The following MRPS6 variants were observed in gnomAD, a reference collection of about 807,000 sequenced individuals.
MRPS6 encodes the protein mitochondrial ribosomal protein S6.
MRPS6 carries 6 observed loss-of-function variants against 13.1 expected under a neutral mutation model. The observed-to-expected ratio is 0.46, with a 90% CI of 0.25 to 0.91. The LOEUF (loss-of-function observed/expected upper bound fraction) is 0.91, where lower values mean the gene tolerates loss of function less well. Ranked by LOEUF, MRPS6 falls within the 40% of genes least tolerant of loss-of-function variation. The pLI is 0.18. For synonymous variants in MRPS6, 61 were observed against 56.5 expected (o/e 1.08, Z -0.36); for missense variants, 164 against 155.6 (o/e 1.05, Z -0.29).
intron 1 of MRPS6, chr21:34,124,279 C>G (rs1764953505): frequency 6.6e-6 from 1 of 152,252 alleles, no homozygotes; most frequent in Non-Finnish European, 1.5e-5. Flanking sequence ...TGCACTCTCT[C>G]AGCCACCAGA....
rs115024809 is a variant in MRPS6, at chr21:34,088,529, C to T, written c.45+14784C>T. Among the ~76,000 whole-genome samples, 122 of 152,328 alleles carry T rather than the reference C, an allele frequency of 8.0e-4. 3 individuals carry two copies. The highest frequency in any genetic ancestry group is 2.6e-3 in the African/African-American group (110 of 41,562). ...TACTTTGTTAACAGTTGTTACATAT[C>T]CATCTTGTGTATTTTCAAGCACAAC... is the stretch of plus-strand genomic sequence containing the variant. On this transcript the variant is annotated intron_variant, in intron 1 of 2. Coordinates refer to ENST00000399312, the MANE Select transcript of MRPS6 (RefSeq NM_032476.4).
chr21:34,091,792 CT>C lies in MRPS6; in HGVS notation c.45+18048del, dbSNP rs571293308. Among the ~76,000 whole-genome samples, 158 of 152,326 alleles carry C rather than the reference CT, an allele frequency of 1.0e-3. 5 individuals carry two copies. The South Asian group carries it at 0.032, about 31-fold the overall frequency. On this transcript the variant is annotated intron_variant, in intron 1 of 2. Coordinates refer to ENST00000399312, the MANE Select transcript of MRPS6 (RefSeq NM_032476.4). Reference sequence around the variant, plus strand: ...CTTTGTGTTCAAGGTTTGGCTAAATCTGCTCATCACCACTAGGGGACTGTTT... The same window carrying C: ...CTTTGTGTTCAAGGTTTGGCTAAATCGCTCATCACCACTAGGGGACTGTTT...
chr21:34,102,728 T>C, intron 1 of MRPS6: 18 of 1,000,146 alleles, frequency 1.8e-5, no homozygotes, highest in Non-Finnish European at 2.0e-5. Flanking sequence ...AACACAGTGG[T>C]CTCAGATTTT....
At chr21:34,086,494 T>A (rs1445598682) in intron 1 of MRPS6, among the ~76,000 whole-genome samples, 3 of 145,692 alleles carry the variant, frequency 2.1e-5, no homozygotes, top group Non-Finnish European at 4.5e-5. Context: ...TTTATCTGAC[T>A]TGTGTTTATT....
intron 1 of MRPS6, chr21:34,097,032 G>A (rs1256512949): frequency 6.2e-7 from 1 of 1,614,072 alleles, no homozygotes; most frequent in Non-Finnish European, 8.5e-7. Context: ...CTGCAGAGAG[G>A]AGGGCAACCC....
chr21:34,075,561 G>T (rs1222546753), intron 1 of MRPS6, among the ~76,000 whole-genome samples: 1 of 152,118 alleles, frequency 6.6e-6, no homozygotes, highest in Non-Finnish European at 1.5e-5. Flanking sequence ...AAGAAAAAAA[G>T]CCCTAGAAAG....
rs926695423 is a variant in MRPS6, at chr21:34,073,615, C to T, written c.-86C>T. ...TGGGAGCCGTCCGGCGCAGCAGTTT[C>T]TAGGTCCCCACTGTCCCCGCCGTCC... On this transcript the variant is annotated 5_prime_UTR_variant, in exon 1 of 3. Coordinates refer to ENST00000399312, the MANE Select transcript of MRPS6 (RefSeq NM_032476.4). The T allele has an allele frequency of 1.2e-5, 15 of 1,226,504 alleles. No individual in the cohort carries two copies. The highest frequency in any genetic ancestry group is 1.6e-5 in the African/African-American group (1 of 62,638). 76.0% of individuals were successfully genotyped at this position (1,226,504 alleles called of 1,614,324 possible). A position where few individuals can be genotyped will look rare whatever the true frequency, so the allele number is the denominator to read the frequency against.
intron 1 of MRPS6, chr21:34,102,873 A>G: frequency 2.0e-6 from 2 of 1,000,008 alleles, no homozygotes; most frequent in Non-Finnish European, 2.4e-6. Context: ...AGAGGAATAC[A>G]TATTACAGTG....
chr21:34,078,029 C>T (rs181693867), intron 1 of MRPS6, among the ~76,000 whole-genome samples: 1 of 152,216 alleles, frequency 6.6e-6, no homozygotes, highest in Non-Finnish European at 1.5e-5. Flanking sequence ...CAGGTCAACC[C>T]TAGGTCCTTG....
At chr21:34,110,686 T>C (rs1305424103) in intron 1 of MRPS6, among the ~76,000 whole-genome samples, 1 of 152,228 alleles carries the variant, frequency 6.6e-6, no homozygotes, top group Non-Finnish European at 1.5e-5. Flanking sequence ...TCGTTGCCCC[T>C]TGCGTTAGAT....
chr21:34,096,563 GT>G lies in MRPS6; in HGVS notation c.45+22820del. The stretch of plus-strand genomic sequence containing the variant: ...ACCTGACACCCCCAGTGGCAGCCTT[GT>G]TCCTGCTGGCAATTTTCTGGAAGCG... On this transcript the variant is annotated intron_variant, in intron 1 of 2. Coordinates refer to ENST00000399312, the MANE Select transcript of MRPS6 (RefSeq NM_032476.4). This position sits in a 1 kb window ranked among gnomAD's most constrained non-coding sequence, Gnocchi z 5.9. 1 of 1,614,034 alleles carries G rather than the reference GT, an allele frequency of 6.2e-7. No individual in the cohort carries two copies.
intron 2 of MRPS6, among the ~76,000 whole-genome samples, chr21:34,128,663 T>C (rs1176273142): frequency 1.3e-5 from 2 of 152,236 alleles, no homozygotes; most frequent in South Asian, 2.1e-4. Context: ...TGAGAACTTA[T>C]TTTCCCAGTG....
intron 1 of MRPS6, among the ~76,000 whole-genome samples, chr21:34,121,628 C>T (rs1332738248): frequency 6.6e-6 from 1 of 152,076 alleles, no homozygotes; most frequent in East Asian, 1.9e-4. Flanking sequence ...AGAGAAGCCT[C>T]TCAGAAGCCT....
chr21:34,101,507 G>T (rs1979235519), intron 1 of MRPS6: 1 of 1,000,152 alleles, frequency 1.0e-6, no homozygotes, highest in Non-Finnish European at 1.2e-6. Context: ...TTACAAATGG[G>T]ATCTGTTTCT....
intron 1 of MRPS6, among the ~76,000 whole-genome samples, chr21:34,074,657 C>A (rs1989281316): frequency 6.6e-6 from 1 of 152,142 alleles, no homozygotes; most frequent in Non-Finnish European, 1.5e-5. Flanking sequence ...AATTCGGTAA[C>A]GTAGTTTGGT....
At chr21:34,139,041 A>T (rs549958244) in intron 2 of MRPS6, among the ~76,000 whole-genome samples, 6 of 152,172 alleles carry the variant, frequency 3.9e-5, no homozygotes, top group Admixed American at 1.3e-4. Context: ...TTGTAGGGAC[A>T]CGGATGAAAT....
At chr21:34,100,915 TC>T (rs1979207802) in intron 1 of MRPS6, 2 of 1,000,120 alleles carry the variant, frequency 2.0e-6, no homozygotes, top group Admixed American at 6.2e-5. Flanking sequence ...TCTTCCCTGT[TC>T]CTGCTTGGCA....
intron 1 of MRPS6, among the ~76,000 whole-genome samples, chr21:34,076,751 A>G (rs1989342069): frequency 6.6e-6 from 1 of 152,248 alleles, no homozygotes; most frequent in African/African-American, 2.4e-5. Context: ...CTAGGCCTTT[A>G]AAGGTGACAA....
intron 1 of MRPS6, chr21:34,095,294 T>C (rs774552574): frequency 2.9e-5 from 47 of 1,614,046 alleles, no homozygotes; most frequent in Non-Finnish European, 3.8e-5. Context: ...GGAAATCTAA[T>C]AGAAGCACCG....
Sources: gnomAD v4.1 joint callset for allele counts (sites outside exome capture counted in the v4.1 genomes callset) on GRCh38, gnomAD v4.1.1 for gene constraint, Gnocchi (gnomAD v3.1) non-coding constraint, MANE v1.5 for transcripts, NCBI Gene and HGNC (gene_info 2026-07-23, HGNC 2026-07-21) for gene names.